The following NLGN1 variants were observed in gnomAD, a reference collection of about 807,000 sequenced individuals.
The protein encoded by NLGN1 is neuroligin-1.
A neutral mutation model predicts 65.5 loss-of-function variants in NLGN1; 12 were observed. The ratio of observed to expected loss-of-function variants is 0.18; its 90% CI spans 0.12 to 0.30. NLGN1 has a LOEUF of 0.30. NLGN1 is among the 10% of genes least tolerant of loss of function. NLGN1 has a pLI of 1.00. For missense variants in NLGN1, 750 were observed against 1,007.1 expected (o/e 0.74, Z 3.46); for synonymous variants, 350 against 359.5 (o/e 0.97, Z 0.30).
At chr3:173,420,065 C>CT (rs34404987) in intron 1 of NLGN1, among the ~76,000 whole-genome samples, 39,439 of 146,890 alleles carry the variant, frequency 0.27, 5,440 homozygotes, top group Middle Eastern at 0.38. Context: ...GATCTTTTTT[C>CT]TTTTTTTTTT....
intron 4 of NLGN1, among the ~76,000 whole-genome samples, chr3:173,900,852 C>G (rs1366788233): frequency 6.6e-6 from 1 of 151,908 alleles, no homozygotes; most frequent in African/African-American, 2.4e-5. Context: ...CCTGATAGAA[C>G]CTCTGGTAGG....
chr3:173,674,506 G>A (rs1762867944), intron 3 of NLGN1, among the ~76,000 whole-genome samples: 1 of 152,126 alleles, frequency 6.6e-6, no homozygotes, highest in Non-Finnish European at 1.5e-5. Context: ...ATCTTGGGCT[G>A]AAGTGAAAGC....
In NLGN1 at chr3:173,839,092, CTT is replaced by C. The variant is rs11376148; in HGVS notation, c.646+31276_646+31277del. ...TTTTTTAACTTCTTGAATTGGATGA[CTT>C]TTTTTTTTTTTTTTTACAGATTAGG... On this transcript the variant is annotated intron_variant, in intron 4 of 6. Coordinates refer to ENST00000457714, the Ensembl canonical transcript of NLGN1. 8.4e-3 allele frequency among the ~76,000 whole-genome samples: 1,137 copies of C among 135,998 alleles called. 19 individuals carry two copies. Among genetic ancestry groups the C allele is most frequent in the African/African-American group, 0.029 (1,062 of 36,798 alleles). 89.2% of individuals were successfully genotyped at this position (135,998 alleles called of 152,430 possible). A position where few individuals can be genotyped will look rare whatever the true frequency, so the allele number is the denominator to read the frequency against.
At chr3:173,913,392 A>G (rs1383825265) in intron 4 of NLGN1, among the ~76,000 whole-genome samples, 1 of 152,190 alleles carries the variant, frequency 6.6e-6, no homozygotes, top group Non-Finnish European at 1.5e-5. Context: ...CCATAGGATT[A>G]GAAGTTCATT....
intron 4 of NLGN1, among the ~76,000 whole-genome samples, chr3:174,133,532 G>T (rs1453701310): frequency 6.6e-6 from 1 of 152,114 alleles, no homozygotes; most frequent in Non-Finnish European, 1.5e-5. Flanking sequence ...TTTGGCTTTT[G>T]TTGGGAAGGG....
At chr3:173,559,061 A>G (rs1310041034) in intron 2 of NLGN1, among the ~76,000 whole-genome samples, 1 of 152,136 alleles carries the variant, frequency 6.6e-6, no homozygotes, top group Non-Finnish European at 1.5e-5. Context: ...TACCATCAGT[A>G]TTGCCTCTAC....
At chr3:173,997,228 G>T in intron 4 of NLGN1, among the ~76,000 whole-genome samples, 1 of 151,816 alleles carries the variant, frequency 6.6e-6, no homozygotes. Context: ...TCTTGGAATG[G>T]GACTTCAGTA....
intron 2 of NLGN1, among the ~76,000 whole-genome samples, chr3:173,564,035 A>G (rs1743222391): frequency 6.6e-6 from 1 of 152,128 alleles, no homozygotes; most frequent in African/African-American, 2.4e-5. Flanking sequence ...GGCCCTTACT[A>G]CCTGTCAGTG....
At chr3:174,256,555 G>T (rs1214584384) in intron 4 of NLGN1, among the ~76,000 whole-genome samples, 1 of 151,916 alleles carries the variant, frequency 6.6e-6, no homozygotes, top group Non-Finnish European at 1.5e-5. Context: ...ATGTGTGTTT[G>T]TGTGTGTGTG....
At chr3:174,287,489 GTGT>G (rs1267584719), downstream of NLGN1, among the ~76,000 whole-genome samples, 3 of 151,432 alleles carry the variant, frequency 2.0e-5, no homozygotes, top group Admixed American at 6.6e-5. Context: ...GTAAAATTTG[GTGT>G]TGTTTGATAT....
chr3:174,182,624 T>A (rs1453061692), intron 4 of NLGN1, among the ~76,000 whole-genome samples: 1 of 151,980 alleles, frequency 6.6e-6, no homozygotes, highest in African/African-American at 2.4e-5. Context: ...ATCCTTTGAG[T>A]GAAAAAATAT....
intron 3 of NLGN1, among the ~76,000 whole-genome samples, chr3:173,704,969 TTTCAA>T (rs1309164411): frequency 6.6e-6 from 1 of 152,200 alleles, no homozygotes; most frequent in Non-Finnish European, 1.5e-5. Flanking sequence ...AACACAGTAC[TTTCAA>T]TCTTGACAAT....
At chr3:173,838,276 A>T (rs1260195647) in intron 4 of NLGN1, among the ~76,000 whole-genome samples, 1 of 152,086 alleles carries the variant, frequency 6.6e-6, no homozygotes, top group African/African-American at 2.4e-5. Context: ...CCTTTTTTTA[A>T]CATCAAGTTT....
intron 4 of NLGN1, among the ~76,000 whole-genome samples, chr3:174,032,114 G>A (rs1730154455): frequency 6.6e-6 from 1 of 152,074 alleles, no homozygotes. Context: ...AGAGTAATTA[G>A]ATATACAAAA....
chr3:173,917,841 T>TTGTGTG lies in NLGN1; in HGVS notation c.646+110033_646+110038dup, dbSNP rs145802137. Among the ~76,000 whole-genome samples the TTGTGTG allele has an allele frequency of 3.9e-3, 571 of 146,486 alleles. 3 individuals are homozygous for TTGTGTG. The highest frequency in any genetic ancestry group is 0.013 in the African/African-American group (519 of 39,504). ...GCTCTGAAATTCTTACAAAGCAACA[T>TTGTGTG]TGTGTGTGTGTGTGTGTGTGTGTGT... On this transcript the variant is annotated intron_variant, in intron 4 of 6. Transcript: ENST00000457714.
chr3:174,283,755 AT>A (rs1367736147), exon 7 of NLGN1: 1 of 151,470 alleles, frequency 6.6e-6, no homozygotes, highest in East Asian at 1.9e-4. Flanking sequence ...ATCCAGAGTG[AT>A]CTACATACAG....
chr3:173,481,238 T>A (rs988682802), intron 2 of NLGN1, among the ~76,000 whole-genome samples: 1 of 152,038 alleles, frequency 6.6e-6, no homozygotes, highest in Non-Finnish European at 1.5e-5. Context: ...GATTTGGTAA[T>A]GTTTTATAAC....
At chr3:174,218,413 C>A (rs939250015) in intron 4 of NLGN1, among the ~76,000 whole-genome samples, 30 of 151,966 alleles carry the variant, frequency 2.0e-4, no homozygotes, top group African/African-American at 7.2e-4. Context: ...TGATACCTTA[C>A]TTCATTCAGT....
intron 4 of NLGN1, among the ~76,000 whole-genome samples, chr3:173,916,328 C>A (rs751558905): frequency 6.6e-6 from 1 of 152,076 alleles, no homozygotes; most frequent in Non-Finnish European, 1.5e-5. Flanking sequence ...AAAACATTAT[C>A]TATGGCATAC....
Sources: gnomAD v4.1 joint callset for allele counts (sites outside exome capture counted in the v4.1 genomes callset) on GRCh38, gnomAD v4.1.1 for gene constraint, MANE v1.5 for transcripts, NCBI Gene and HGNC (gene_info 2026-07-23, HGNC 2026-07-21) for gene names.